Variants in PIP5K1B observed in about 807,000 individuals in gnomAD.
PIP5K1B encodes the protein phosphatidylinositol 4-phosphate 5-kinase type-1 beta.
In PIP5K1B, 42 loss-of-function variants were observed where a neutral mutation model predicts 67.0. That is an observed-to-expected ratio of 0.63 (90% confidence interval 0.49 to 0.81). The LOEUF (loss-of-function observed/expected upper bound fraction) is 0.81, where lower values mean the gene tolerates loss of function less well. Among genes scored for constraint, PIP5K1B ranks in the 30% least tolerant of loss-of-function variants. PIP5K1B has a pLI of 0.00. For synonymous variants in PIP5K1B, 214 were observed against 231.4 expected, an observed-to-expected ratio of 0.92 and a Z score of 0.68; for missense variants, 459 against 646.3, an observed-to-expected ratio of 0.71 and a Z score of 3.14.
intron 1 of PIP5K1B, among the ~76,000 whole-genome samples, chr9:68,730,516 C>G (rs1828371357): frequency 6.6e-6 from 1 of 152,188 alleles, no homozygotes; most frequent in Admixed American, 6.5e-5. Context: ...TTCACAGAAA[C>G]TTTTAGATCT....
At chr9:68,734,276 G>A (rs900173217) in intron 1 of PIP5K1B, among the ~76,000 whole-genome samples, 10 of 152,190 alleles carry the variant, frequency 6.6e-5, no homozygotes, top group African/African-American at 2.4e-4. Flanking sequence ...CAGTGTTGTT[G>A]AGGAAATACG....
chr9:68,867,151 A>G (rs1175756890), intron 5 of PIP5K1B, among the ~76,000 whole-genome samples: 1 of 152,044 alleles, frequency 6.6e-6, no homozygotes. Flanking sequence ...TCCCTTCAAA[A>G]AAAAATGGCA....
intron 14 of PIP5K1B, among the ~76,000 whole-genome samples, chr9:68,943,139 T>G (rs925814958): frequency 6.6e-6 from 1 of 152,228 alleles, no homozygotes; most frequent in African/African-American, 2.4e-5. Flanking sequence ...CAGATTCTTT[T>G]GCAATATCAG....
rs573650112 is a variant in PIP5K1B at position 68,942,324 on chromosome 9, T to C, written c.1502+1534T>C. Among the ~76,000 whole-genome samples the C allele has an allele frequency of 5.3e-5, 8 of 152,372 alleles. No homozygotes were observed. In the South Asian group the frequency reaches 1.7e-3, roughly 32 times the overall value. ...TTAGCAAGGTCAAAAACAATTCTCA[T>C]GTGAAGCCATGGTGATTTCTTACCG... On this transcript the variant is annotated intron_variant, in intron 14 of 15. Transcript: ENST00000265382.
chr9:68,856,465 A>G (rs4120640), intron 4 of PIP5K1B, among the ~76,000 whole-genome samples: 42,686 of 152,022 alleles, frequency 0.28, 6,237 homozygotes, highest in Middle Eastern at 0.33. Context: ...CTCAGCCTAC[A>G]GATCATTCCT....
At chr9:68,809,971 A>C (rs1833073605) in intron 2 of PIP5K1B, among the ~76,000 whole-genome samples, 1 of 152,198 alleles carries the variant, frequency 6.6e-6, no homozygotes. Flanking sequence ...ATGCTCCATA[A>C]ATGTTCATTG....
Position 68,921,434 on chromosome 9 carries a change from T to C in PIP5K1B, c.1116+1705T>C, listed in dbSNP as rs190140443. Among the ~76,000 whole-genome samples the C allele has an allele frequency of 5.4e-3, 829 of 152,326 alleles. 9 individuals are homozygous for C. Among genetic ancestry groups the C allele is most frequent in the Non-Finnish European group, 5.9e-3 (403 of 68,026 alleles). ...CTGAGAAAGGAAGGGACTGCATACA[T>C]AGTACCTCGAACATTGAAGGGGAGA... On this transcript the variant is annotated intron_variant, in intron 11 of 15. Transcript: ENST00000265382.
chr9:68,970,042 T>C (rs1323350819), intron 14 of PIP5K1B, among the ~76,000 whole-genome samples: 1 of 152,166 alleles, frequency 6.6e-6, no homozygotes, highest in East Asian at 1.9e-4. Flanking sequence ...ACTTTAGAAA[T>C]TGGAAAACCA....
At chr9:68,870,495 G>C (rs1823578838) in intron 5 of PIP5K1B, among the ~76,000 whole-genome samples, 1 of 151,952 alleles carries the variant, frequency 6.6e-6, no homozygotes, top group Admixed American at 6.6e-5. Flanking sequence ...ACCAATTTCT[G>C]TCTCTCTCTC....
At chr9:68,922,460 C>CAAAAAAAAAAAAAAAAAA (rs141136674) in intron 11 of PIP5K1B, among the ~76,000 whole-genome samples, 1 of 128,274 alleles carries the variant, frequency 7.8e-6, no homozygotes, top group Admixed American at 8.4e-5. Flanking sequence ...GACTCTGTCT[C>CAAAAAAAAAAAAAAAAAA]AAAAAAAAAG....
At chr9:68,740,663 A>G (rs562439983) in intron 1 of PIP5K1B, among the ~76,000 whole-genome samples, 3 of 152,364 alleles carry the variant, frequency 2.0e-5, no homozygotes, top group East Asian at 3.9e-4. Context: ...AATTGTTTGC[A>G]TGTCATAAAA....
intron 5 of PIP5K1B, among the ~76,000 whole-genome samples, chr9:68,868,148 A>G (rs1823450246): frequency 1.3e-5 from 2 of 152,140 alleles, no homozygotes; most frequent in Admixed American, 1.3e-4. Context: ...CTCAAAGTAG[A>G]TAAGTAAGAA....
chr9:68,805,738 C>T (rs533989988), intron 2 of PIP5K1B, among the ~76,000 whole-genome samples: 2 of 152,246 alleles, frequency 1.3e-5, no homozygotes, highest in African/African-American at 4.8e-5. Context: ...GAGCAATGAC[C>T]TCTGCTAGGC....
At chr9:68,731,942 T>A (rs2132290934) in intron 1 of PIP5K1B, among the ~76,000 whole-genome samples, 1 of 152,354 alleles carries the variant, frequency 6.6e-6, no homozygotes, top group Non-Finnish European at 1.5e-5. Context: ...ACTGCAACCC[T>A]TTTTTAATGT....
intron 13 of PIP5K1B, among the ~76,000 whole-genome samples, chr9:68,937,570 A>AT (rs943751880): frequency 3.3e-5 from 5 of 152,040 alleles, no homozygotes; most frequent in Admixed American, 1.3e-4. Context: ...GGATGCATTG[A>AT]TTTTTTTGAA....
At chr9:68,971,888 C>CCTTT (rs1451100366) in intron 14 of PIP5K1B, among the ~76,000 whole-genome samples, 1 of 151,958 alleles carries the variant, frequency 6.6e-6, no homozygotes, top group Non-Finnish European at 1.5e-5. Context: ...GGATATTAGC[C>CCTTT]CTTTGTTAGA....
At chr9:68,732,091 T>G (rs372330676) in intron 1 of PIP5K1B, among the ~76,000 whole-genome samples, 2 of 152,298 alleles carry the variant, frequency 1.3e-5, no homozygotes, top group South Asian at 2.1e-4. Flanking sequence ...TAGATTTGCT[T>G]GCTAGCCACT....
At chr9:68,816,192 G>A (rs186162141) in intron 2 of PIP5K1B, among the ~76,000 whole-genome samples, 9 of 152,148 alleles carry the variant, frequency 5.9e-5, no homozygotes, top group South Asian at 2.1e-4. Flanking sequence ...GCAATGGCCC[G>A]ATCTCGGCTC....
intron 8 of PIP5K1B, among the ~76,000 whole-genome samples, chr9:68,902,345 T>C (rs7865397): frequency 0.16 from 24,396 of 152,214 alleles, 1,997 homozygotes; most frequent in African/African-American, 0.2. Context: ...TCGAGAATGC[T>C]GTATAAATGG....
Sources: gnomAD v4.1 joint callset for allele counts (sites outside exome capture counted in the v4.1 genomes callset) on GRCh38, gnomAD v4.1.1 for gene constraint, MANE v1.5 for transcripts, NCBI Gene and HGNC (gene_info 2026-07-23, HGNC 2026-07-21) for gene names.